The following ADRA1B variants were observed in gnomAD, a reference collection of about 807,000 sequenced individuals.
ADRA1B encodes the protein adrenoceptor alpha 1B.
A neutral mutation model predicts 17.9 loss-of-function variants in ADRA1B; 17 were observed. The observed-to-expected ratio is 0.95, with a 90% CI of 0.65 to 1.42. The LOEUF (loss-of-function observed/expected upper bound fraction) is 1.42, where lower values mean the gene tolerates loss of function less well. Among genes scored for constraint, ADRA1B ranks in the 40% most tolerant of loss-of-function variants. ADRA1B has a pLI of 0.00. For synonymous variants in ADRA1B, 366 were observed against 327.6 expected (o/e 1.12, Z -1.27); for missense variants, 681 against 722.1 (o/e 0.94, Z 0.65).
chr5:159,971,736 G>A, intron 1 of ADRA1B, 143 bp from the exon 2 acceptor site: 1 of 791,678 alleles, frequency 1.3e-6, no homozygotes, highest in African/African-American at 1.8e-5. Context: ...AAGTATTCCG[G>A]GCAGAGGAAC....
intron 1 of ADRA1B, among the ~76,000 whole-genome samples, chr5:159,899,288 AAGGAAGGAAGG>A (rs1754074062): frequency 7.1e-6 from 1 of 141,168 alleles, no homozygotes; most frequent in Non-Finnish European, 1.6e-5. Context: ...GGAAGGAAGG[AAGGAAGGAAGG>A]AAGGAAGGAA....
At chr5:159,947,973 C>A in intron 1 of ADRA1B, 1 of 985,440 alleles carries the variant, frequency 1.0e-6, no homozygotes, top group Non-Finnish European at 1.2e-6. Context: ...GGCTTTGCGT[C>A]ATGAAGGGAA....
upstream of ADRA1B, among the ~76,000 whole-genome samples, chr5:159,915,331 A>G (rs1409315816): frequency 6.6e-6 from 1 of 152,224 alleles, no homozygotes; most frequent in Non-Finnish European, 1.5e-5. Context: ...GAAATGGTGA[A>G]GAGTGTATTC....
At chr5:159,927,430 TA>T (rs968454326) in intron 1 of ADRA1B, among the ~76,000 whole-genome samples, 9 of 132,326 alleles carry the variant, frequency 6.8e-5, no homozygotes, top group African/African-American at 2.3e-4. Flanking sequence ...CATAGAACCC[TA>T]AAAAAAATGT....
intron 1 of ADRA1B, among the ~76,000 whole-genome samples, chr5:159,927,867 G>C (rs1754705218): frequency 1.3e-5 from 2 of 152,134 alleles, no homozygotes; most frequent in South Asian, 2.1e-4. Flanking sequence ...TTCATGATGA[G>C]AGAGCAAAGC....
chr5:159,908,054 C>G (rs904774185), intron 1 of ADRA1B, among the ~76,000 whole-genome samples: 1 of 152,028 alleles, frequency 6.6e-6, no homozygotes, highest in Non-Finnish European at 1.5e-5. Context: ...TCAGGTCTCC[C>G]ACCCTTCTTG....
At chr5:159,940,010 G>T (rs1167089949) in intron 1 of ADRA1B, among the ~76,000 whole-genome samples, 1 of 152,144 alleles carries the variant, frequency 6.6e-6, no homozygotes, top group Non-Finnish European at 1.5e-5. Context: ...CCGGGAGACT[G>T]GGTCTCACCT....
chr5:159,950,677 C>T, intron 1 of ADRA1B: 1 of 731,826 alleles, frequency 1.4e-6, no homozygotes, highest in South Asian at 1.5e-5. Context: ...CTCAGTGTCG[C>T]CCCAGATGCC....
At chr5:159,902,709 C>G (rs1754116418) in intron 1 of ADRA1B, among the ~76,000 whole-genome samples, 1 of 152,192 alleles carries the variant, frequency 6.6e-6, no homozygotes, top group African/African-American at 2.4e-5. Flanking sequence ...ATGCCTGGCA[C>G]AAAGCCCTTG....
intron 1 of ADRA1B, among the ~76,000 whole-genome samples, chr5:159,927,678 AC>A (rs1343068380): frequency 6.6e-6 from 1 of 152,142 alleles, no homozygotes; most frequent in Non-Finnish European, 1.5e-5. Context: ...TATTATAATA[AC>A]CCTTTCTTAT....
At chr5:159,895,166 C>T (rs77971739) in intron 1 of ADRA1B, among the ~76,000 whole-genome samples, 2,725 of 152,266 alleles carry the variant, frequency 0.018, 73 homozygotes, top group African/African-American at 0.062. Context: ...TGACCTAGGC[C>T]GACAAGTGGA....
At chr5:159,975,266 C>G (rs1561614175), downstream of ADRA1B, among the ~76,000 whole-genome samples, 1 of 152,126 alleles carries the variant, frequency 6.6e-6, no homozygotes, top group Non-Finnish European at 1.5e-5. Flanking sequence ...TCTGGCCTGC[C>G]CCAATCACCC....
chr5:159,967,637 A>G (rs1755798986), intron 1 of ADRA1B, among the ~76,000 whole-genome samples: 1 of 152,194 alleles, frequency 6.6e-6, no homozygotes, highest in African/African-American at 2.4e-5. Context: ...AGAGGTTTCA[A>G]TACGGGTCTG....
At chr5:159,896,338 G>A (rs767117168) in intron 1 of ADRA1B, among the ~76,000 whole-genome samples, 2 of 152,202 alleles carry the variant, frequency 1.3e-5, no homozygotes, top group African/African-American at 2.4e-5. Flanking sequence ...ATTTTTAAAA[G>A]CTTTGGATGT....
Position 159,947,702 on chromosome 5 carries a change from C to T in ADRA1B, c.950-24177C>T, listed in dbSNP as rs150509730. 213 of 985,368 alleles carry T rather than the reference C, an allele frequency of 2.2e-4. No individual in the cohort carries two copies. The African/African-American group carries it at 3.5e-3, about 16-fold the overall frequency. The allele number at this position is 985,368 out of a possible 1,614,324, so 61.0% of individuals were successfully genotyped here. ...TGCTTCTTTCCAGAAAGCAAAGGCT[C>T]TTTAAGCTTGAAGACGTTGAATGCT... On this transcript the variant is annotated intron_variant, in intron 1 of 1. Coordinates refer to ENST00000306675, the MANE Select transcript of ADRA1B (RefSeq NM_000679.4).
the ADRA1B span, among the ~76,000 whole-genome samples, chr5:159,978,334 C>A: frequency 3.9e-5 from 6 of 152,170 alleles, no homozygotes; most frequent in African/African-American, 4.8e-5. Flanking sequence ...AAGCACATGG[C>A]AGGGGGTCCT....
In ADRA1B at chr5:159,890,870, C is replaced by CA. The variant is rs1237169954; in HGVS notation, c.-255-25246dup. ...GATGTGTCAATTTCTTATTGTAAAA[C>CA]AAACCTGTGAGATGGGAAATACATT... is the stretch of plus-strand genomic sequence containing the variant. On this transcript the variant is annotated intron_variant, in intron 1 of 2. Transcript: ENST00000641205. Among the ~76,000 whole-genome samples the CA allele has an allele frequency of 3.9e-5, 6 of 152,358 alleles. No individual in the cohort carries two copies. The East Asian group carries it at 1.2e-3, about 29-fold the overall frequency.
At chr5:159,925,668 G>A (rs2113181310) in intron 1 of ADRA1B, among the ~76,000 whole-genome samples, 1 of 152,130 alleles carries the variant, frequency 6.6e-6, no homozygotes, top group East Asian at 1.9e-4. Context: ...TGTGGCTAGT[G>A]GTGACCTAGC....
chr5:159,867,452 A>G (rs1753672698), intron 1 of ADRA1B, among the ~76,000 whole-genome samples: 1 of 152,128 alleles, frequency 6.6e-6, no homozygotes, highest in South Asian at 2.1e-4. Flanking sequence ...CTGATTCACC[A>G]TCTTGCTGGT....
Sources: gnomAD v4.1 joint callset for allele counts (sites outside exome capture counted in the v4.1 genomes callset) on GRCh38, gnomAD v4.1.1 for gene constraint, MANE v1.5 for transcripts, NCBI Gene and HGNC (gene_info 2026-07-23, HGNC 2026-07-21) for gene names.